Variants in IBTK observed in about 807,000 individuals in gnomAD.
The protein encoded by IBTK is inhibitor of Bruton tyrosine kinase.
In IBTK, 83 loss-of-function variants were observed where a neutral mutation model predicts 154.9. The observed-to-expected ratio is 0.54, with a 90% confidence interval of 0.45 to 0.64. The LOEUF is 0.64. Ranked by LOEUF, IBTK falls within the 30% of genes least tolerant of loss-of-function variation. The pLI, the probability that IBTK is intolerant of heterozygous loss-of-function variation, is 0.00. For missense variants in IBTK, 1,332 were observed against 1,584.6 expected, an observed-to-expected ratio of 0.84 and a Z score of 2.71; for synonymous variants, 515 against 536.1, an observed-to-expected ratio of 0.96 and a Z score of 0.54.
At chr6:82,176,743 A>G (rs1184267648) in intron 26 of IBTK, among the ~76,000 whole-genome samples, 1 of 151,976 alleles carries the variant, frequency 6.6e-6, no homozygotes, top group Non-Finnish European at 1.5e-5. Flanking sequence ...AAAAAATCAC[A>G]TTTTCTAGAA....
In IBTK at chr6:82,218,891, T is replaced by C. The variant is rs149859866; in HGVS notation, c.1249-754A>G. ...ATCTGACAAGGTCGCTAAAAAGTTA[T>C]TCACACAAAAAGACTATACTGATTG... On this transcript the variant is annotated intron_variant, in intron 9 of 28. Coordinates refer to ENST00000306270, the MANE Select transcript of IBTK (RefSeq NM_015525.4). Among the ~76,000 whole-genome samples, 611 of 152,336 alleles carry C rather than the reference T, an allele frequency of 4.0e-3. 2 individuals are homozygous for C. The highest frequency in any genetic ancestry group is 0.01 in the Middle Eastern group (3 of 294).
intron 6 of IBTK, among the ~76,000 whole-genome samples, chr6:82,224,394 C>CA (rs1228063515): frequency 1.3e-5 from 2 of 152,178 alleles, no homozygotes; most frequent in African/African-American, 4.8e-5. Flanking sequence ...CAGCCACTTT[C>CA]AGTCAGCAGT....
Position 82,196,395 on chromosome 6 carries a change from A to G in IBTK, c.3077T>C (p.Leu1026Ser). The G allele has an allele frequency of 6.2e-7, 1 of 1,612,800 alleles. No homozygotes were observed. Among genetic ancestry groups the G allele is most frequent in the Non-Finnish European group, 8.5e-7 (1 of 1,179,146 alleles). ...ATAGCTTCCTTCAGAGTCTGATGTC[A>G]ACAGTTCTGGAAGAGATTCCACAGA... ...TNSVESLPEL[L>S]TSDSEGSYAG... is the part of the protein sequence containing the mutation. Residue 1026 changes from leucine (L) to serine (S), a missense_variant, in exon 22 of 29, where the codon TTG becomes TCG. This residue lies in a region of IBTK where 1,134 missense variants were observed against 1,274.7 expected (regional missense o/e 0.89). Transcript: ENST00000306270.
chr6:82,178,292 C>T (rs1768190245), intron 26 of IBTK, among the ~76,000 whole-genome samples: 1 of 152,204 alleles, frequency 6.6e-6, no homozygotes, highest in Admixed American at 6.5e-5. Flanking sequence ...TTATAGCACA[C>T]TCTAGTGATC....
intron 4 of IBTK, among the ~76,000 whole-genome samples, chr6:82,229,800 T>C (rs994291531): frequency 6.6e-6 from 1 of 152,138 alleles, no homozygotes; most frequent in Admixed American, 6.6e-5. Context: ...ACAAGAATAT[T>C]AGCTTTCATG....
At chr6:82,234,107 G>T in intron 3 of IBTK, 52 bp downstream of exon 3, 1 of 836,704 alleles carries the variant, frequency 1.2e-6, no homozygotes, top group Non-Finnish European at 1.9e-6. Flanking sequence ...CCAAATTGCT[G>T]GGATTACAGG....
intron 12 of IBTK, 37 bp from the exon 13 acceptor site, chr6:82,212,830 C>T: frequency 8.6e-7 from 1 of 1,161,476 alleles, no homozygotes. Flanking sequence ...ATTGATATTC[C>T]CCTACAAAAA....
chr6:82,196,243 A>T (rs1768981209), intron 22 of IBTK, 55 bp downstream of exon 22: 2 of 1,355,832 alleles, frequency 1.5e-6, no homozygotes, highest in Non-Finnish European at 2.0e-6. Flanking sequence ...TTAAAGATAA[A>T]CCATCTATAA....
chr6:82,225,802 A>G (rs1258768762), intron 5 of IBTK, among the ~76,000 whole-genome samples, 155 bp from the exon 6 acceptor site: 7 of 152,238 alleles, frequency 4.6e-5, no homozygotes, highest in Non-Finnish European at 1.0e-4. Context: ...AGCAAAGGGT[A>G]GATGAGTTTA....
intron 7 of IBTK, among the ~76,000 whole-genome samples, 176 bp from the exon 8 acceptor site, chr6:82,223,796 A>G (rs1770190158): frequency 6.6e-6 from 1 of 152,048 alleles, no homozygotes; most frequent in African/African-American, 2.4e-5. Flanking sequence ...CCATCTCTAC[A>G]AAAAATAGCC....
At chr6:82,217,585 T>C (rs1236589599) in intron 10 of IBTK, among the ~76,000 whole-genome samples, 2 of 152,120 alleles carry the variant, frequency 1.3e-5, no homozygotes, top group African/African-American at 4.8e-5. Context: ...TACAAGTAAA[T>C]CATTAAATTT....
chr6:82,218,633 A>T (rs1769960143), intron 9 of IBTK, among the ~76,000 whole-genome samples: 1 of 152,212 alleles, frequency 6.6e-6, no homozygotes, highest in Non-Finnish European at 1.5e-5. Context: ...CAATGGTTGT[A>T]AATGGTTCTG....
intron 25 of IBTK, among the ~76,000 whole-genome samples, chr6:82,183,395 G>A (rs1304597122): frequency 6.6e-6 from 1 of 151,746 alleles, no homozygotes; most frequent in Non-Finnish European, 1.5e-5. Flanking sequence ...GGGTGACAGA[G>A]CAGGACTCTG....
intron 16 of IBTK, among the ~76,000 whole-genome samples, chr6:82,210,093 T>C (rs1270518791): frequency 3.9e-5 from 6 of 152,212 alleles, no homozygotes; most frequent in Non-Finnish European, 7.3e-5. Flanking sequence ...ATCTTGTAAC[T>C]AAAAGTTACT....
intron 25 of IBTK, among the ~76,000 whole-genome samples, chr6:82,185,786 A>T (rs186033192): frequency 3.4e-4 from 52 of 152,226 alleles, no homozygotes; most frequent in South Asian, 1.0e-3. Context: ...AATACTTTGC[A>T]GCCTTCTAAG....
intron 5 of IBTK, among the ~76,000 whole-genome samples, chr6:82,226,834 G>C (rs1472420612): frequency 6.6e-6 from 1 of 152,026 alleles, no homozygotes. Context: ...TCGAACTCCC[G>C]ACCTCAGGTG....
chr6:82,171,564 G>C lies in IBTK; in HGVS notation c.3931-8C>G. On this transcript the variant is annotated splice_region_variant and splice_polypyrimidine_tract_variant and intron_variant, in intron 28 of 28. Transcript: ENST00000306270. ...TATGGCATGCTCCTCAATCTGAAAG[G>C]AGGAAGGGAAAGAAGACTCTTTACT... 6.3e-7 allele frequency: 1 copy of C among 1,581,720 alleles called. No individual in the cohort carries two copies. Among genetic ancestry groups the C allele is most frequent in the East Asian group, 2.3e-5 (1 of 43,472 alleles).
intron 8 of IBTK, among the ~76,000 whole-genome samples, chr6:82,220,979 C>CACACACACACAT (rs1183065764): frequency 2.0e-5 from 3 of 150,846 alleles, no homozygotes; most frequent in East Asian, 1.9e-4. Context: ...CACACACACA[C>CACACACACACAT]ATTAAATGCC....
intron 23 of IBTK, among the ~76,000 whole-genome samples, chr6:82,194,014 AT>A (rs1768887719): frequency 6.6e-6 from 1 of 152,062 alleles, no homozygotes; most frequent in Non-Finnish European, 1.5e-5. Flanking sequence ...ATGAAAAAAT[AT>A]ATATATAATA....
Sources: allele counts gnomAD v4.1 joint callset (sites outside exome capture counted in the v4.1 genomes callset), GRCh38; gene constraint gnomAD v4.1.1; regional missense constraint gnomAD v4.1.1; transcripts MANE v1.5; gene names NCBI Gene and HGNC (gene_info 2026-07-23, HGNC 2026-07-21).